ALS2CL: variants seen among roughly 807,000 people sequenced by gnomAD.
ALS2CL encodes ALS2 C-terminal-like protein.
ALS2CL carries 112 observed loss-of-function variants against 127.9 expected under a neutral mutation model. That is an observed-to-expected ratio of 0.88 (90% CI 0.75 to 1.02). ALS2CL has a LOEUF of 1.02. ALS2CL is among the 50% of genes least tolerant of loss of function. The pLI, the probability that ALS2CL is intolerant of heterozygous loss-of-function variation, is 0.00. For missense variants in ALS2CL, 1,174 were observed against 1,236.7 expected, an observed-to-expected ratio of 0.95 and a Z score of 0.76; for synonymous variants, 519 against 527.6, an observed-to-expected ratio of 0.98 and a Z score of 0.22.
rs149645861 is a variant in ALS2CL at position 46,676,768 on chromosome 3, AC to A, written c.1932-31del. ...GCACCACACACAGCATCCCTCACCC[AC>A]ACCTCGGCCCAGCCCCCTCCCCCCA... On this transcript the variant is annotated intron_variant, in intron 17 of 25. Transcript: ENST00000318962. The A allele has an allele frequency of 6.6e-4, 1,057 of 1,612,246 alleles. 9 individuals are homozygous for A. In the African/African-American group the frequency reaches 0.013, roughly 20 times the overall value.
In ALS2CL at chr3:46,676,967, G is replaced by A; in HGVS notation, c.1813C>T (p.Pro605Ser). 2.5e-6 allele frequency: 4 copies of A among 1,613,312 alleles called. No homozygotes were observed. The highest frequency in any genetic ancestry group is 3.4e-6 in the Non-Finnish European group (4 of 1,179,730). Reference protein sequence around the residue: ...VESRWQGVYSPFRDFVCAGCP... With the variant: ...VESRWQGVYSSFRDFVCAGCP... ...CCAGCACACACAAAGTCCCGGAAGG[G>A]GCTGTAGACTCCCTGCCAGCGGCTT... The change falls in exon 17 of 26, where the codon CCC becomes TCC. Residue 605 changes from proline to serine, a missense_variant. Coordinates refer to ENST00000318962, the MANE Select transcript of ALS2CL (RefSeq NM_147129.5).
Position 46,681,310 on chromosome 3 carries a change from T to G in ALS2CL, c.1372A>C (p.Arg458=). The change falls in exon 13 of 26, where the codon AGG becomes CGG. Residue 458 remains arginine (R), a synonymous_variant. Transcript: ENST00000318962. The surrounding 1 kb of genome is among the most constrained non-coding windows in gnomAD (Gnocchi z 4.9). ...ESGPQAPQPF[R]YTGHWERGQR... ...CCCCTCTCCCAGTGGCCCGTGTACC[T>G]GAAGGGCTGGGGGGCCTGCGGACCA... 1 of 1,613,896 alleles carries G rather than the reference T, an allele frequency of 6.2e-7. No homozygotes were observed. The highest frequency in any genetic ancestry group is 8.5e-7 in the Non-Finnish European group (1 of 1,179,898).
chr3:46,690,418 TG>T (rs563008757), intron 1 of ALS2CL, among the ~76,000 whole-genome samples: 179 of 152,192 alleles, frequency 1.2e-3, no homozygotes, highest in Middle Eastern at 3.4e-3. Flanking sequence ...GCTTGAGCCT[TG>T]AGATTTCCTG....
intron 7 of ALS2CL, 141 bp from the exon 8 acceptor site, chr3:46,684,188 C>A: frequency 1.0e-6 from 1 of 996,074 alleles, no homozygotes; most frequent in Non-Finnish European, 1.5e-6. Flanking sequence ...AGTCCCTCTC[C>A]CCTCTGGCTT....
intron 20 of ALS2CL, 159 bp downstream of exon 20, chr3:46,675,459 T>A (rs1698736884): frequency 2.9e-6 from 2 of 684,498 alleles, no homozygotes; most frequent in Non-Finnish European, 5.0e-6. Context: ...AGGTCATGGG[T>A]CATTCTAATC....
intron 15 of ALS2CL, among the ~76,000 whole-genome samples, chr3:46,678,761 T>C (rs145634089): frequency 6.6e-6 from 1 of 152,298 alleles, no homozygotes; most frequent in Non-Finnish European, 1.5e-5. Context: ...GTCCCATTCA[T>C]AGCAACCTGA....
rs1474871850 is a variant in ALS2CL at position 46,686,498 on chromosome 3, G to T, written c.535-59C>A. On this transcript the variant is annotated intron_variant, in intron 5 of 25. Coordinates refer to ENST00000318962, the MANE Select transcript of ALS2CL (RefSeq NM_147129.5). This position sits in a 1 kb window ranked among gnomAD's most constrained non-coding sequence, Gnocchi z 4.3. Reference sequence around the variant, plus strand: ...GCTTACTGGAATCTTCCCTAGCCCAGTCCTGGTCCCGGCTGGTGGGGAGGC... The same window carrying T: ...GCTTACTGGAATCTTCCCTAGCCCATTCCTGGTCCCGGCTGGTGGGGAGGC... The T allele has an allele frequency of 2.9e-5, 45 of 1,564,934 alleles. No individual in the cohort carries two copies. Among genetic ancestry groups the T allele is most frequent in the Non-Finnish European group, 2.7e-5 (31 of 1,153,514 alleles).
intron 8 of ALS2CL, 43 bp downstream of exon 8, chr3:46,683,946 A>C: frequency 6.2e-7 from 1 of 1,612,406 alleles, no homozygotes. Flanking sequence ...TCATGGGGGT[A>C]AAGGGAAGAA....
intron 1 of ALS2CL, among the ~76,000 whole-genome samples, chr3:46,693,135 C>A (rs57045725): frequency 1.7e-3 from 255 of 152,340 alleles, no homozygotes; most frequent in African/African-American, 5.7e-3. Flanking sequence ...ACCATGGCTA[C>A]AAGCCTCTTG....
At chr3:46,674,356 C>T (rs115154931) in intron 21 of ALS2CL, among the ~76,000 whole-genome samples, 3,906 of 152,274 alleles carry the variant, frequency 0.026, 82 homozygotes, top group Non-Finnish European at 0.04. Flanking sequence ...TTTGTCACCA[C>T]AAGGGGGAGG....
At chr3:46,687,182 C>G in intron 4 of ALS2CL, 34 bp from the exon 5 acceptor site, 1 of 1,493,168 alleles carries the variant, frequency 6.7e-7, no homozygotes, top group Non-Finnish European at 8.9e-7. Context: ...CCACCTTCAC[C>G]CCTTCCTCCA....
intron 20 of ALS2CL, chr3:46,675,363 AAGATG>A: frequency 2.1e-6 from 1 of 476,620 alleles, no homozygotes; most frequent in Non-Finnish European, 3.7e-6. Context: ...CTGCATGCGA[AAGATG>A]AGATTGGGAT....
chr3:46,674,183 C>T (rs1219004192), intron 21 of ALS2CL, among the ~76,000 whole-genome samples: 3 of 152,208 alleles, frequency 2.0e-5, no homozygotes, highest in African/African-American at 4.8e-5. Flanking sequence ...TGGTCAATCA[C>T]GGCTGGCACT....
rs774038694 is a variant in ALS2CL, at chr3:46,686,454, G to C, written c.535-15C>G. 1 of 1,609,158 alleles carries C rather than the reference G, an allele frequency of 6.2e-7. No homozygotes were observed. The highest frequency in any genetic ancestry group is 1.7e-5 in the Admixed American group (1 of 59,664). ...GTTGGGTGATGCTGAAGGGGGACAGGGCAGCCAGTGAGAGGAGAGCTTACT... is the reference window on the plus strand; with the variant it reads ...GTTGGGTGATGCTGAAGGGGGACAGCGCAGCCAGTGAGAGGAGAGCTTACT... On this transcript the variant is annotated splice_polypyrimidine_tract_variant and intron_variant, in intron 5 of 25. Transcript: ENST00000318962. The surrounding 1 kb of genome is among the most constrained non-coding windows in gnomAD (Gnocchi z 4.3).
chr3:46,671,444 G>C lies in ALS2CL; in HGVS notation c.2781+44C>G, dbSNP rs200420328. ...GGGAAGGGAAAAGGGTCTGCCCCAG[G>C]GGCCAGGGCATTTCCACCTCGGTCC... is the stretch of plus-strand genomic sequence containing the variant. On this transcript the variant is annotated intron_variant, in intron 25 of 25. Coordinates refer to ENST00000318962, the MANE Select transcript of ALS2CL (RefSeq NM_147129.5). 1.9e-6 allele frequency: 3 copies of C among 1,612,304 alleles called. No homozygotes were observed. The African/African-American group carries it at 4.0e-5, about 22-fold the overall frequency.
At chr3:46,690,761 C>T (rs150718614) in intron 1 of ALS2CL, among the ~76,000 whole-genome samples, 4 of 152,304 alleles carry the variant, frequency 2.6e-5, no homozygotes, top group East Asian at 1.9e-4. Flanking sequence ...GGGCAGCCAA[C>T]GATGGGCAGG....
At chr3:46,687,849 A>G (rs1223044535) in intron 3 of ALS2CL, among the ~76,000 whole-genome samples, 165 bp from the exon 4 acceptor site, 1 of 152,174 alleles carries the variant, frequency 6.6e-6, no homozygotes, top group African/African-American at 2.4e-5. Flanking sequence ...TGGGCCAACA[A>G]GACAATTCTA....
In ALS2CL at chr3:46,681,628, A is replaced by G. The variant is rs781452485; in HGVS notation, c.1176-30T>C. ...CAGCATGGTTGTGGGGGTGGGGATCAGCCCTGACCTGAGACGCCCATTACA... is the reference window on the plus strand; with the variant it reads ...CAGCATGGTTGTGGGGGTGGGGATCGGCCCTGACCTGAGACGCCCATTACA... On this transcript the variant is annotated intron_variant, in intron 11 of 25. Coordinates refer to ENST00000318962, the MANE Select transcript of ALS2CL (RefSeq NM_147129.5). This position sits in a 1 kb window ranked among gnomAD's most constrained non-coding sequence, Gnocchi z 4.9. 6.2e-7 allele frequency: 1 copy of G among 1,610,538 alleles called. No individual in the cohort carries two copies. The highest frequency in any genetic ancestry group is 2.2e-5 in the East Asian group (1 of 44,844).
chr3:46,671,860 A>C (rs752750008), intron 24 of ALS2CL, 24 bp downstream of exon 24: 9 of 1,612,330 alleles, frequency 5.6e-6, no homozygotes, highest in Non-Finnish European at 7.6e-6. Context: ...CCTGCCCTGC[A>C]CCCCCAGCTC....
Sources: gnomAD v4.1 joint callset for allele counts (sites outside exome capture counted in the v4.1 genomes callset) on GRCh38, gnomAD v4.1.1 for gene constraint, Gnocchi (gnomAD v3.1) non-coding constraint, MANE v1.5 for transcripts, NCBI Gene and HGNC (gene_info 2026-07-23, HGNC 2026-07-21) for gene names.